PDPN: variants seen among roughly 807,000 people sequenced by gnomAD.
The protein encoded by PDPN is podoplanin.
Under a neutral mutation model 23.2 loss-of-function variants are expected in PDPN, and 12 were observed. That is an observed-to-expected ratio of 0.52 (90% CI 0.33 to 0.84). PDPN has a LOEUF of 0.84. PDPN is among the 40% of genes least tolerant of loss of function. The pLI is 0.02. For missense variants in PDPN, 199 were observed against 212.2 expected (o/e 0.94, Z 0.39); for synonymous variants, 77 against 76.7 (o/e 1.00, Z -0.02).
intron 1 of PDPN, chr1:13,595,825 AG>A: frequency 7.9e-7 from 1 of 1,267,044 alleles, no homozygotes; most frequent in Non-Finnish European, 1.0e-6. Context: ...CTTTCATTAC[AG>A]GGGAAGGCGT....
intron 1 of PDPN, among the ~76,000 whole-genome samples, chr1:13,599,401 T>TTTC (rs1235156262): frequency 9.1e-6 from 1 of 110,316 alleles, no homozygotes; most frequent in East Asian, 3.1e-4. Context: ...TTTTTTTTTT[T>TTTC]TTCAGACAGA....
chr1:13,604,196 A>G (rs1198764178), intron 1 of PDPN, among the ~76,000 whole-genome samples: 1 of 152,202 alleles, frequency 6.6e-6, no homozygotes, highest in South Asian at 2.1e-4. Context: ...CTGTGCATAC[A>G]TATGTCTTGG....
At chr1:13,613,765 T>G in intron 4 of PDPN, 40 bp downstream of exon 4, 1 of 1,160,940 alleles carries the variant, frequency 8.6e-7, no homozygotes, top group Non-Finnish European at 1.3e-6. Context: ...TTACTGGGGT[T>G]TTTTAAAAAT....
At chr1:13,599,705 C>T (rs1169608070) in intron 1 of PDPN, among the ~76,000 whole-genome samples, 1 of 152,108 alleles carries the variant, frequency 6.6e-6, no homozygotes, top group Non-Finnish European at 1.5e-5. Flanking sequence ...GACCCCACCC[C>T]ACTCCAAGAG....
chr1:13,613,075 T>C (rs968316840), intron 3 of PDPN, among the ~76,000 whole-genome samples: 36 of 152,196 alleles, frequency 2.4e-4, no homozygotes, highest in African/African-American at 8.0e-4. Context: ...ACTATTAGAC[T>C]GGGTTTGACT....
chr1:13,601,923 C>G (rs1330467700), intron 1 of PDPN, among the ~76,000 whole-genome samples: 4 of 152,304 alleles, frequency 2.6e-5, no homozygotes. Context: ...AGTTTGACTA[C>G]TGATAGCTTG....
At chr1:13,599,011 CTTTTT>C (rs35244657) in intron 1 of PDPN, among the ~76,000 whole-genome samples, 1 of 127,070 alleles carries the variant, frequency 7.9e-6, no homozygotes. Context: ...GCCCCCCCTC[CTTTTT>C]TTTTTTTTTT....
At chr1:13,611,007 G>A (rs1437299140) in intron 3 of PDPN, among the ~76,000 whole-genome samples, 1 of 152,144 alleles carries the variant, frequency 6.6e-6, no homozygotes, top group Non-Finnish European at 1.5e-5. Flanking sequence ...GGATCACAAG[G>A]TCAGGAGATC....
chr1:13,595,677 C>T (rs992061206), intron 1 of PDPN: 1 of 414,126 alleles, frequency 2.4e-6, no homozygotes, highest in Non-Finnish European at 4.8e-6. Context: ...CAGGTCTCAT[C>T]TCGTCATTGG....
At chr1:13,610,596 A>T (rs1483004641) in intron 3 of PDPN, 80 bp downstream of exon 3, 55 of 1,388,574 alleles carry the variant, frequency 4.0e-5, no homozygotes, top group Non-Finnish European at 5.3e-5. Flanking sequence ...AACAAATAGA[A>T]TAATCAATAG....
chr1:13,608,531 A>T (rs1000762665), intron 2 of PDPN, among the ~76,000 whole-genome samples: 1 of 152,184 alleles, frequency 6.6e-6, no homozygotes. Flanking sequence ...CACTGCCCAG[A>T]TCTTTCCATG....
chr1:13,593,178 A>G (rs889209872), intron 1 of PDPN, among the ~76,000 whole-genome samples: 2 of 152,248 alleles, frequency 1.3e-5, no homozygotes, highest in Admixed American at 6.5e-5. Flanking sequence ...AGGAAACACG[A>G]TAGACACATA....
chr1:13,610,838 CG>C (rs549918428), intron 3 of PDPN, among the ~76,000 whole-genome samples: 39 of 152,308 alleles, frequency 2.6e-4, no homozygotes, highest in African/African-American at 3.6e-4. Flanking sequence ...CCCAAGGGCA[CG>C]ACACTCAGCC....
intron 4 of PDPN, among the ~76,000 whole-genome samples, 159 bp downstream of exon 4, chr1:13,613,884 T>C (rs1640998999): frequency 6.6e-6 from 1 of 151,588 alleles, no homozygotes; most frequent in Admixed American, 6.6e-5. Context: ...TTTTTTTTTT[T>C]TTTTTTTAAA....
At chr1:13,612,298 T>G (rs1483598717) in intron 3 of PDPN, among the ~76,000 whole-genome samples, 1 of 152,228 alleles carries the variant, frequency 6.6e-6, no homozygotes, top group Non-Finnish European at 1.5e-5. Context: ...TGCACATGTA[T>G]GATGCATGCT....
At position 13,607,232 on chromosome 1, in the gene PDPN, A is replaced by T. The variant is rs141726617; in HGVS notation, c.127A>T (p.Met43Leu). ...TACAGGTTTGGAAGGCGGCGTTGCC[A>T]TGCCAGGTGCCGAAGATGATGTGGT... ...ETTGLEGGVA[M>L]PGAEDDVVTP... Residue 43 changes from methionine to leucine, a missense_variant, in exon 2 of 6, where the codon ATG becomes TTG. Physicochemically the swap from Met to Leu is conservative, Grantham distance 15. Transcript: ENST00000621990. 6.2e-7 allele frequency: 1 copy of T among 1,614,126 alleles called. No homozygotes were observed. The highest frequency in any genetic ancestry group is 1.1e-5 in the South Asian group (1 of 91,082).
At chr1:13,589,517 CT>C (rs926155129) in intron 1 of PDPN, among the ~76,000 whole-genome samples, 71 of 152,136 alleles carry the variant, frequency 4.7e-4, no homozygotes, top group African/African-American at 1.7e-3. Context: ...GTGTGAACCC[CT>C]TTCTAAGCCC....
chr1:13,605,911 A>G (rs1375011290), intron 1 of PDPN, among the ~76,000 whole-genome samples: 3 of 151,948 alleles, frequency 2.0e-5, no homozygotes, highest in South Asian at 2.1e-4. Context: ...GTGAGCCACC[A>G]CACCTGGCCC....
At chr1:13,615,195 G>T (rs1641037715) in intron 5 of PDPN, among the ~76,000 whole-genome samples, 1 of 152,144 alleles carries the variant, frequency 6.6e-6, no homozygotes, top group South Asian at 2.1e-4. Context: ...GACTGTTGTT[G>T]AAGGGAAGGA....
Sources: allele counts gnomAD v4.1 joint callset (sites outside exome capture counted in the v4.1 genomes callset), GRCh38; gene constraint gnomAD v4.1.1; transcripts MANE v1.5; gene names NCBI Gene and HGNC (gene_info 2026-07-23, HGNC 2026-07-21).